Variants in RIMS2 observed in about 807,000 individuals in gnomAD.
The protein encoded by RIMS2 is regulating synaptic membrane exocytosis protein 2.
Under a neutral mutation model 174.4 loss-of-function variants are expected in RIMS2, and 59 were observed. The ratio of observed to expected loss-of-function variants is 0.34; its 90% confidence interval spans 0.27 to 0.42. The LOEUF (loss-of-function observed/expected upper bound fraction) is 0.42. RIMS2 is among the 10% of genes least tolerant of loss of function. The probability of loss-of-function intolerance (pLI) is 1.00; values close to 1 mark genes in which losing one functional copy is unlikely to be tolerated. For missense variants in RIMS2, 1,620 were observed against 1,666.3 expected (o/e 0.97, Z 0.48); for synonymous variants, 606 against 572.5 (o/e 1.06, Z -0.84).
intron 1 of RIMS2, among the ~76,000 whole-genome samples, chr8:103,592,897 G>A (rs1003686820): frequency 1.3e-5 from 2 of 151,300 alleles, no homozygotes; most frequent in Admixed American, 6.6e-5. Flanking sequence ...GATGAAATGG[G>A]AAGTACTAAT....
At chr8:103,513,585 C>T (rs1469671444) in intron 1 of RIMS2, among the ~76,000 whole-genome samples, 1 of 152,168 alleles carries the variant, frequency 6.6e-6, no homozygotes, top group Non-Finnish European at 1.5e-5. Context: ...TACATATAGT[C>T]AGGCCAGGAA....
chr8:103,781,483 CA>C lies in RIMS2; in HGVS notation c.698+14948del, dbSNP rs1409863678. 7.2e-5 allele frequency among the ~76,000 whole-genome samples: 11 copies of C among 152,056 alleles called. No individual in the cohort carries two copies. In the East Asian group the frequency reaches 1.9e-3, roughly 27 times the overall value. ...AAAGTTAAAATTATTTTTTCATCAG[CA>C]AGTGTTAAAAGTTATTTTGTTCAAA... is the stretch of plus-strand genomic sequence containing the variant. On this transcript the variant is annotated intron_variant, in intron 3 of 23. Coordinates refer to ENST00000504942, the Ensembl canonical transcript of RIMS2.
intron 2 of RIMS2, among the ~76,000 whole-genome samples, chr8:103,716,028 G>C (rs982412747): frequency 6.6e-6 from 1 of 151,630 alleles, no homozygotes; most frequent in African/African-American, 2.4e-5. Flanking sequence ...TTTAATTGCT[G>C]TTATGGAAAT....
chr8:103,771,095 G>C (rs898718097), intron 3 of RIMS2, among the ~76,000 whole-genome samples: 1 of 152,162 alleles, frequency 6.6e-6, no homozygotes, highest in Non-Finnish European at 1.5e-5. Context: ...TTTTGGTACA[G>C]TGTTTTACAG....
intron 2 of RIMS2, among the ~76,000 whole-genome samples, chr8:103,760,670 G>T (rs1454509338): frequency 2.0e-5 from 3 of 152,066 alleles, no homozygotes; most frequent in African/African-American, 7.2e-5. Flanking sequence ...AACACAATGT[G>T]GGCCAGAGGG....
intron 19 of RIMS2, among the ~76,000 whole-genome samples, chr8:104,080,846 A>G (rs777897090): frequency 1.3e-5 from 2 of 152,028 alleles, no homozygotes; most frequent in African/African-American, 4.8e-5. Context: ...TATTGCATCA[A>G]TTTTGAAGAT....
chr8:104,190,335 A>G (rs2098991135), intron 19 of RIMS2, among the ~76,000 whole-genome samples: 1 of 151,936 alleles, frequency 6.6e-6, no homozygotes, highest in African/African-American at 2.4e-5. Context: ...AAATAAAAAG[A>G]TAAGGATCCT....
chr8:103,967,071 G>T (rs1403912669), intron 15 of RIMS2, among the ~76,000 whole-genome samples: 1 of 148,700 alleles, frequency 6.7e-6, no homozygotes, highest in African/African-American at 2.5e-5. Flanking sequence ...GCTAATTTTT[G>T]ATGATGAAGT....
intron 17 of RIMS2, among the ~76,000 whole-genome samples, chr8:103,992,378 G>T (rs1204908362): frequency 6.7e-6 from 1 of 149,810 alleles, no homozygotes; most frequent in Non-Finnish European, 1.5e-5. Context: ...CACCTGCCTG[G>T]GTATCCCAAA....
chr8:103,559,267 C>T (rs1459105820), intron 1 of RIMS2: 2 of 186,240 alleles, frequency 1.1e-5, no homozygotes, highest in African/African-American at 4.8e-5. Flanking sequence ...GCCTTCTGAT[C>T]CTGATTTTCC....
intron 19 of RIMS2, among the ~76,000 whole-genome samples, chr8:104,033,067 G>C (rs2096434961): frequency 6.6e-6 from 1 of 151,880 alleles, no homozygotes; most frequent in South Asian, 2.1e-4. Flanking sequence ...AAAGAAAGAT[G>C]GCGTAGTGCT....
chr8:103,873,112 A>C (rs2099120286), intron 3 of RIMS2, among the ~76,000 whole-genome samples: 1 of 152,166 alleles, frequency 6.6e-6, no homozygotes, highest in African/African-American at 2.4e-5. Flanking sequence ...GGTAGATAGG[A>C]TATCCTCCTT....
intron 1 of RIMS2, among the ~76,000 whole-genome samples, chr8:103,675,553 T>C (rs1376555198): frequency 1.3e-5 from 2 of 152,056 alleles, no homozygotes; most frequent in Non-Finnish European, 2.9e-5. Context: ...TAAACATAAG[T>C]TCACCGTCAA....
At chr8:104,094,421 G>T (rs2097718138) in intron 19 of RIMS2, 3 of 579,074 alleles carry the variant, frequency 5.2e-6, no homozygotes, top group South Asian at 2.3e-5. Flanking sequence ...GTTTTTTCTT[G>T]ACTTTCTTTT....
intron 19 of RIMS2, among the ~76,000 whole-genome samples, chr8:104,128,852 A>T (rs530905919): frequency 7.9e-5 from 12 of 152,350 alleles, no homozygotes; most frequent in African/African-American, 2.9e-4. Context: ...TGTTTTAAAT[A>T]GAGTGGCTAA....
At chr8:103,623,420 A>G (rs920791135) in intron 1 of RIMS2, among the ~76,000 whole-genome samples, 2 of 151,754 alleles carry the variant, frequency 1.3e-5, no homozygotes, top group Non-Finnish European at 2.9e-5. Flanking sequence ...ATTGGCTCTC[A>G]ATAAATGTTG....
chr8:104,115,098 C>T (rs960772126), intron 19 of RIMS2, among the ~76,000 whole-genome samples: 10 of 152,010 alleles, frequency 6.6e-5, no homozygotes, highest in African/African-American at 2.4e-4. Context: ...AGTTTGCATT[C>T]AATTTATTAT....
chr8:103,973,207 G>A (rs1000001227), intron 15 of RIMS2, among the ~76,000 whole-genome samples: 1 of 152,214 alleles, frequency 6.6e-6, no homozygotes. Flanking sequence ...ACTGGAGTCA[G>A]AAGTATCTTC....
At chr8:103,830,611 CA>C (rs2098819692) in intron 3 of RIMS2, among the ~76,000 whole-genome samples, 1 of 152,088 alleles carries the variant, frequency 6.6e-6, no homozygotes, top group Non-Finnish European at 1.5e-5. Flanking sequence ...CTATAAATGT[CA>C]ATTATGTCAT....
Sources: allele counts gnomAD v4.1 joint callset (sites outside exome capture counted in the v4.1 genomes callset), GRCh38; gene constraint gnomAD v4.1.1; transcripts MANE v1.5; gene names NCBI Gene and HGNC (gene_info 2026-07-23, HGNC 2026-07-21).